RIN3: variants seen among roughly 807,000 people sequenced by gnomAD.
RIN3 encodes the protein RAB5 interacting protein 3.
A neutral mutation model predicts 76.3 loss-of-function variants in RIN3; 54 were observed. The observed-to-expected ratio is 0.71, with a 90% confidence interval of 0.57 to 0.89. RIN3 has a LOEUF of 0.89. RIN3 is among the 40% of genes least tolerant of loss of function. The probability of loss-of-function intolerance (pLI) is 0.00; values close to 1 mark genes in which losing one functional copy is unlikely to be tolerated. For missense variants in RIN3, 1,256 were observed against 1,322.1 expected (o/e 0.95, Z 0.78); for synonymous variants, 576 against 564.0 (o/e 1.02, Z -0.30).
rs544628027 is a variant in RIN3 at position 92,573,410 on chromosome 14, G to A, written c.250-3950G>A. Among the ~76,000 whole-genome samples, 5 of 152,274 alleles carry A rather than the reference G, an allele frequency of 3.3e-5. No homozygotes were observed. The South Asian group carries it at 1.0e-3, about 32-fold the overall frequency. Reference sequence around the variant, plus strand: ...TGTTCACCAGCCAGAAAGTCCAGAGGTTTTATTTCAGAGGCATGATTGATT... The same window carrying A: ...TGTTCACCAGCCAGAAAGTCCAGAGATTTTATTTCAGAGGCATGATTGATT... On this transcript the variant is annotated intron_variant, in intron 2 of 9. Transcript: ENST00000216487.
chr14:92,585,602 C>G (rs1221065935), intron 3 of RIN3, among the ~76,000 whole-genome samples: 1 of 152,118 alleles, frequency 6.6e-6, no homozygotes, highest in African/African-American at 2.4e-5. Flanking sequence ...AGAAGCAATC[C>G]TACCTGAGCT....
At chr14:92,515,028 C>A in intron 1 of RIN3, 1 of 480,134 alleles carries the variant, frequency 2.1e-6, no homozygotes, top group African/African-American at 2.0e-5. Context: ...AGAGTTGGGC[C>A]CATCTTGTGC....
intron 5 of RIN3, chr14:92,645,269 T>C (rs1887157701): frequency 6.6e-6 from 1 of 152,222 alleles, no homozygotes; most frequent in Non-Finnish European, 1.5e-5. Flanking sequence ...GGTTACCTTG[T>C]ATAGTCAGCA....
At chr14:92,651,498 G>GGCCCCCCCCCCCCA in intron 5 of RIN3, 84 bp from the exon 6 acceptor site, 1 of 707,776 alleles carries the variant, frequency 1.4e-6, no homozygotes. Flanking sequence ...CCCACCCGTG[G>GGCCCCCCCCCCCCA]ACCCCGCCCA....
chr14:92,615,480 G>T lies in RIN3; in HGVS notation c.440+1G>T, dbSNP rs140223109. 1.9e-6 allele frequency: 3 copies of T among 1,612,388 alleles called. No homozygotes were observed. The highest frequency in any genetic ancestry group is 1.7e-5 in the Admixed American group (1 of 60,014). On this transcript the variant is annotated splice_donor_variant, in intron 4 of 9. Coordinates refer to ENST00000216487, the MANE Select transcript of RIN3 (RefSeq NM_024832.5). LOFTEE classifies it high-confidence loss of function. ...TGATTGCGTTCTACTGTGTCAGTAGGTGAGTAGACCCGGCCCTGCAGGAGG... is the reference window on the plus strand; with the variant it reads ...TGATTGCGTTCTACTGTGTCAGTAGTTGAGTAGACCCGGCCCTGCAGGAGG...
At chr14:92,659,100 A>C in intron 6 of RIN3, 61 bp from the exon 7 acceptor site, 18 of 1,537,714 alleles carry the variant, frequency 1.2e-5, no homozygotes, top group Non-Finnish European at 1.6e-5. Context: ...TGGGCAACAG[A>C]ACCAGGTGGC....
chr14:92,664,687 T>C (rs545402130), intron 7 of RIN3, among the ~76,000 whole-genome samples: 1 of 152,186 alleles, frequency 6.6e-6, no homozygotes, highest in African/African-American at 2.4e-5. Context: ...ATTTTCTTTC[T>C]CTCTCTGCAT....
At chr14:92,518,789 CTGTGTGTGTGTGTGTGTGTG>C (rs61124300) in intron 1 of RIN3, among the ~76,000 whole-genome samples, 4 of 128,418 alleles carry the variant, frequency 3.1e-5, no homozygotes, top group Admixed American at 7.9e-5. Context: ...TAAGGGTGGC[CTGTGTGTGTGTGTGTGTGTG>C]TGTGTGTGTG....
At chr14:92,580,955 C>T (rs111571024) in intron 3 of RIN3, among the ~76,000 whole-genome samples, 10 of 152,358 alleles carry the variant, frequency 6.6e-5, no homozygotes, top group African/African-American at 2.2e-4. Flanking sequence ...GTAAGGATAG[C>T]GAGTGTAGGG....
intron 2 of RIN3, among the ~76,000 whole-genome samples, chr14:92,575,942 A>G (rs1268518826): frequency 6.6e-6 from 1 of 152,202 alleles, no homozygotes; most frequent in Non-Finnish European, 1.5e-5. Flanking sequence ...ACGGACACTC[A>G]GATATCCCAG....
At chr14:92,551,190 A>G (rs557362190) in intron 1 of RIN3, among the ~76,000 whole-genome samples, 9 of 152,322 alleles carry the variant, frequency 5.9e-5, no homozygotes, top group East Asian at 1.9e-4. Context: ...TGAACTTCAT[A>G]TAGATGGATT....
chr14:92,546,875 A>G (rs961385196), intron 1 of RIN3, among the ~76,000 whole-genome samples: 6 of 151,816 alleles, frequency 4.0e-5, no homozygotes, highest in Non-Finnish European at 8.8e-5. Context: ...GGGCATGACC[A>G]CATGTGTGGT....
In RIN3 at chr14:92,681,239, G is replaced by A. The variant is rs944722001; in HGVS notation, c.2468-3748G>A. Among the ~76,000 whole-genome samples the A allele has an allele frequency of 6.6e-6, 1 of 152,138 alleles. No homozygotes were observed. The highest frequency in any genetic ancestry group is 1.9e-4 in the East Asian group (1 of 5,182). On this transcript the variant is annotated intron_variant, in intron 8 of 9. Transcript: ENST00000216487. The surrounding 1 kb of genome is among the most constrained non-coding windows in gnomAD (Gnocchi z 4.7). ...CTGCTCCAGAACTCACGGTAGGGCC[G>A]CCTGCCACCTAGTGGCCCTGGCAGG...
intron 3 of RIN3, among the ~76,000 whole-genome samples, chr14:92,578,250 GA>G (rs1233334039): frequency 4.0e-5 from 6 of 148,540 alleles, no homozygotes; most frequent in African/African-American, 1.2e-4. Context: ...AAAAAAAAAA[GA>G]AAAAAAAGAA....
At chr14:92,647,235 C>T (rs1029034234) in intron 5 of RIN3, among the ~76,000 whole-genome samples, 5 of 152,126 alleles carry the variant, frequency 3.3e-5, no homozygotes, top group East Asian at 1.9e-4. Context: ...CATGAGCCGA[C>T]GTAAGAAAGT....
chr14:92,641,786 A>G (rs1075472), intron 5 of RIN3, among the ~76,000 whole-genome samples: 20,847 of 152,022 alleles, frequency 0.14, 1,696 homozygotes, highest in Non-Finnish European at 0.18. Flanking sequence ...AGCACACCCT[A>G]CCCCACCCTT....
chr14:92,528,906 C>T (rs1896815473), intron 1 of RIN3, among the ~76,000 whole-genome samples: 1 of 152,122 alleles, frequency 6.6e-6, no homozygotes, highest in Non-Finnish European at 1.5e-5. Flanking sequence ...CACAAGTAGC[C>T]CCTTTTCCTC....
chr14:92,682,936 C>T (rs757872512), intron 8 of RIN3, among the ~76,000 whole-genome samples: 3 of 152,108 alleles, frequency 2.0e-5, no homozygotes, highest in Non-Finnish European at 4.4e-5. Context: ...GAGGCCAAGG[C>T]GGGTGGATCA....
At chr14:92,657,543 G>A (rs1283819514) in intron 6 of RIN3, among the ~76,000 whole-genome samples, 1 of 152,166 alleles carries the variant, frequency 6.6e-6, no homozygotes, top group Non-Finnish European at 1.5e-5. Flanking sequence ...AGATGTGAAG[G>A]GGCCGGGAGG....
Sources: allele counts gnomAD v4.1 joint callset (sites outside exome capture counted in the v4.1 genomes callset), GRCh38; gene constraint gnomAD v4.1.1; non-coding constraint Gnocchi (gnomAD v3.1); transcripts MANE v1.5; gene names NCBI Gene and HGNC (gene_info 2026-07-23, HGNC 2026-07-21).